Variants in PCDHA4 observed in about 807,000 individuals in gnomAD.
The protein encoded by PCDHA4 is protocadherin alpha 4.
PCDHA4 carries 49 observed loss-of-function variants against 61.4 expected under a neutral mutation model. That is an observed-to-expected ratio of 0.80 (90% CI 0.63 to 1.01). The LOEUF (loss-of-function observed/expected upper bound fraction) is 1.01, where lower values mean the gene tolerates loss of function less well. Among genes scored for constraint, PCDHA4 ranks in the 50% least tolerant of loss-of-function variants. The pLI is 0.00. For synonymous variants in PCDHA4, 590 were observed against 550.3 expected (o/e 1.07, Z -1.01); for missense variants, 1,254 against 1,235.8 (o/e 1.01, Z -0.22).
chr5:140,814,985 G>C (rs1388432067), intron 1 of PCDHA4: 1 of 151,982 alleles, frequency 6.6e-6, no homozygotes, highest in Admixed American at 6.5e-5. Context: ...AGACTATTTT[G>C]TGTGATGTAG....
chr5:140,876,976 C>A (rs782283591), intron 1 of PCDHA4: 2 of 1,612,586 alleles, frequency 1.2e-6, no homozygotes, highest in Admixed American at 1.7e-5. Context: ...GGTGGGCGAG[C>A]ACGCACTGTC....
intron 1 of PCDHA4, among the ~76,000 whole-genome samples, chr5:140,945,574 G>C (rs2153670366): frequency 6.6e-6 from 1 of 151,978 alleles, no homozygotes; most frequent in Middle Eastern, 3.4e-3. Context: ...ATACTACCTG[G>C]CTTCAAAATA....
At chr5:140,870,543 CGCGGACGCGCAG>C in intron 1 of PCDHA4, 1 of 1,614,114 alleles carries the variant, frequency 6.2e-7, no homozygotes, top group Non-Finnish European at 8.5e-7. Context: ...CGGCGCGGGA[CGCGGACGCGCAG>C]GAGAACGCGC....
chr5:140,877,992 A>C, intron 1 of PCDHA4: 1 of 1,096,636 alleles, frequency 9.1e-7, no homozygotes, highest in South Asian at 2.1e-5. Context: ...TTGAACTTTT[A>C]TGTATTTGTC....
intron 1 of PCDHA4, chr5:140,856,124 G>A (rs2043793970): frequency 6.3e-7 from 1 of 1,598,042 alleles, no homozygotes; most frequent in African/African-American, 1.3e-5. Context: ...CTGGGAGGTG[G>A]GGAGCGGCCA....
chr5:140,869,687 T>C, intron 1 of PCDHA4: 1 of 1,613,474 alleles, frequency 6.2e-7, no homozygotes, highest in Non-Finnish European at 8.5e-7. Context: ...CTGTCACTTA[T>C]TTTAAAGAAG....
Position 140,829,163 on chromosome 5 carries a change from C to T in PCDHA4, c.2385+19591C>T, listed in dbSNP as rs1371458917. The T allele has an allele frequency of 5.0e-6, 8 of 1,613,906 alleles. No individual in the cohort carries two copies. The East Asian group carries it at 1.8e-4, about 36-fold the overall frequency. On this transcript the variant is annotated intron_variant, in intron 1 of 3. Coordinates refer to ENST00000530339, the MANE Select transcript of PCDHA4 (RefSeq NM_018907.4). ...GATAGCACTGACTTCCTTATCCTTG[C>T]CTGTACGTGAAGACGCTCAATTTGG... is the stretch of plus-strand genomic sequence containing the variant.
intron 1 of PCDHA4, chr5:140,843,268 C>T (rs1778736907): frequency 1.3e-6 from 2 of 1,595,984 alleles, no homozygotes; most frequent in East Asian, 2.2e-5. Flanking sequence ...GTCTGCTGGT[C>T]CTGGTGAAGG....
chr5:140,852,909 C>T lies in PCDHA4; in HGVS notation c.2385+43337C>T, dbSNP rs2150524759. On this transcript the variant is annotated intron_variant, in intron 1 of 3. Transcript: ENST00000530339. ...TATTTTTTTTTTTGAGTCAGAGTCTCGCTCTGTTGCCCAGGCTGGAGTGCA... is the reference window on the plus strand; with the variant it reads ...TATTTTTTTTTTTGAGTCAGAGTCTTGCTCTGTTGCCCAGGCTGGAGTGCA... The T allele has an allele frequency of 5.3e-4, 419 of 797,890 alleles. 9 individuals carry two copies. The South Asian group carries it at 0.02, about 38-fold the overall frequency. The allele number at this position is 797,890 out of a possible 1,614,324, so 49.4% of individuals were successfully genotyped here.
chr5:140,871,027 C>T (rs1554164992), intron 1 of PCDHA4: 1 of 1,613,114 alleles, frequency 6.2e-7, no homozygotes, highest in African/African-American at 1.3e-5. Context: ...GGCAGACTCG[C>T]CGCGCCACCG....
rs782169362 is a variant in PCDHA4 at position 140,979,015 on chromosome 5, T to A, written c.2444+8T>A. The A allele has an allele frequency of 6.2e-7, 1 of 1,613,920 alleles. No homozygotes were observed. Among genetic ancestry groups the A allele is most frequent in the Non-Finnish European group, 8.5e-7 (1 of 1,179,908 alleles). On this transcript the variant is annotated splice_region_variant and intron_variant, in intron 2 of 3. Coordinates refer to ENST00000530339, the MANE Select transcript of PCDHA4 (RefSeq NM_018907.4). ...GAGAGCAGGCATGCACAGGTATGTA[T>A]TTCCCTCCTCATTCACTCAGAAGTA...
At chr5:140,876,686 A>G (rs1554168790) in intron 1 of PCDHA4, 1 of 1,613,822 alleles carries the variant, frequency 6.2e-7, no homozygotes, top group Admixed American at 1.7e-5. Context: ...AAGAATTACT[A>G]CTCGTTGGTG....
At position 140,836,540 on chromosome 5, in the gene PCDHA4, G is replaced by A. The variant is rs2150263388; in HGVS notation, c.2385+26968G>A. On this transcript the variant is annotated intron_variant, in intron 1 of 3. Transcript: ENST00000530339. ...TGGTGCTTACCCTGCTGCTGTACAC[G>A]GCGTTGCGGTGCTCAGCGCCGTCCT... 4,283 of 1,613,776 alleles carry A rather than the reference G, an allele frequency of 2.7e-3. 131 individuals carry two copies. The African/African-American group carries it at 0.05, about 19-fold the overall frequency.
At chr5:140,850,071 G>A (rs2150465789) in intron 1 of PCDHA4, 1 of 1,596,556 alleles carries the variant, frequency 6.3e-7, no homozygotes, top group Non-Finnish European at 8.6e-7. Flanking sequence ...GTTGGACCAC[G>A]AGGAGCTGGA....
At chr5:140,851,766 T>A in intron 1 of PCDHA4, 2 of 968,988 alleles carry the variant, frequency 2.1e-6, no homozygotes, top group South Asian at 4.8e-5. Context: ...AACATTACCC[T>A]TATGAATTTA....
intron 1 of PCDHA4, chr5:140,871,257 G>T (rs374337862): frequency 6.8e-6 from 11 of 1,613,808 alleles, no homozygotes; most frequent in Admixed American, 1.7e-5. Flanking sequence ...TGCTGTATAC[G>T]GCGCTGTGGT....
At position 140,877,008 on chromosome 5, in the gene PCDHA4, G is replaced by A. The variant is rs368922456; in HGVS notation, c.2385+67436G>A. On this transcript the variant is annotated intron_variant, in intron 1 of 3. Coordinates refer to ENST00000530339, the MANE Select transcript of PCDHA4 (RefSeq NM_018907.4). Reference sequence around the variant, plus strand: ...TGTCGAGCTACGTGTCGGTGCACGCGGAGAGCGGCAAGGTGTACGCGCTGC... The same window carrying A: ...TGTCGAGCTACGTGTCGGTGCACGCAGAGAGCGGCAAGGTGTACGCGCTGC... 82 of 1,612,526 alleles carry A rather than the reference G, an allele frequency of 5.1e-5. No homozygotes were observed. The African/African-American group carries it at 9.3e-4, about 18-fold the overall frequency.
At chr5:140,961,342 A>AC (rs2095605510) in intron 1 of PCDHA4, among the ~76,000 whole-genome samples, 1 of 152,164 alleles carries the variant, frequency 6.6e-6, no homozygotes, top group South Asian at 2.1e-4. Flanking sequence ...CCAAGAGTGG[A>AC]TCCCTGTAGT....
chr5:140,928,216 A>T, intron 1 of PCDHA4: 1 of 1,614,188 alleles, frequency 6.2e-7, no homozygotes, highest in Non-Finnish European at 8.5e-7. Context: ...GAATGACAAT[A>T]CACCAAACTT....
Sources: allele counts gnomAD v4.1 joint callset (sites outside exome capture counted in the v4.1 genomes callset), GRCh38; gene constraint gnomAD v4.1.1; transcripts MANE v1.5; gene names NCBI Gene and HGNC (gene_info 2026-07-23, HGNC 2026-07-21).